Variants in ACTR3C observed in about 807,000 individuals in gnomAD.
ACTR3C encodes actin-related protein 3C.
In ACTR3C, 18 loss-of-function variants were observed where a neutral mutation model predicts 26.3. The ratio of observed to expected loss-of-function variants is 0.68; its 90% CI spans 0.47 to 1.01. ACTR3C has a LOEUF of 1.01. Ranked by LOEUF, ACTR3C falls within the 50% of genes least tolerant of loss-of-function variation. ACTR3C has a pLI of 0.00. For synonymous variants in ACTR3C, 55 were observed against 94.5 expected (o/e 0.58, Z 2.42); for missense variants, 184 against 250.7 (o/e 0.73, Z 1.80).
chr7:150,052,106 C>G, the ACTR3C span, among the ~76,000 whole-genome samples: 1 of 151,492 alleles, frequency 6.6e-6, no homozygotes, highest in Non-Finnish European at 1.5e-5. Context: ...GTGGGCATCA[C>G]TGTCTTTTAC....
At chr7:150,313,753 G>C (rs1041805421) in intron 1 of ACTR3C, among the ~76,000 whole-genome samples, 2 of 152,156 alleles carry the variant, frequency 1.3e-5, no homozygotes, top group East Asian at 1.9e-4. Flanking sequence ...GAGGGAGAGA[G>C]GGGGAGAGAG....
chr7:149,922,370 T>G, the ACTR3C span, among the ~76,000 whole-genome samples: 1 of 145,512 alleles, frequency 6.9e-6, no homozygotes, highest in African/African-American at 2.5e-5. Flanking sequence ...AAGAACATAA[T>G]GACACCATTA....
At chr7:149,938,439 GATT>G in the ACTR3C span, among the ~76,000 whole-genome samples, 1 of 151,916 alleles carries the variant, frequency 6.6e-6, no homozygotes, top group African/African-American at 2.4e-5. Context: ...AAATTTAGGA[GATT>G]TTTTTTAAAA....
chr7:150,179,921 G>A, the ACTR3C span, among the ~76,000 whole-genome samples: 1 of 151,372 alleles, frequency 6.6e-6, no homozygotes, highest in African/African-American at 2.5e-5. Context: ...ATATTATATT[G>A]CTGCCTTTTT....
intron 6 of ACTR3C, among the ~76,000 whole-genome samples, chr7:150,253,364 T>C (rs1313651203): frequency 6.6e-6 from 1 of 152,194 alleles, no homozygotes; most frequent in African/African-American, 2.4e-5. Flanking sequence ...TCAAGTCTCC[T>C]GATGTCCACT....
chr7:150,018,228 T>C, the ACTR3C span, among the ~76,000 whole-genome samples: 1 of 149,844 alleles, frequency 6.7e-6, no homozygotes, highest in African/African-American at 2.5e-5. Flanking sequence ...GTATTTTTAG[T>C]AGAGACAGGG....
the ACTR3C span, among the ~76,000 whole-genome samples, chr7:149,895,108 G>T: frequency 6.6e-6 from 1 of 151,336 alleles, no homozygotes; most frequent in African/African-American, 2.4e-5. Context: ...GATGAACCTC[G>T]AGGGCATTAT....
chr7:150,035,069 C>T, the ACTR3C span, among the ~76,000 whole-genome samples: 7 of 140,616 alleles, frequency 5.0e-5, no homozygotes, highest in Middle Eastern at 8.1e-3. Flanking sequence ...TACCTGCCGT[C>T]GGAAGATTTG....
At chr7:149,976,310 C>T in the ACTR3C span, among the ~76,000 whole-genome samples, 1 of 152,140 alleles carries the variant, frequency 6.6e-6, no homozygotes, top group African/African-American at 2.4e-5. Flanking sequence ...CGCGGTGGCT[C>T]AAGCCTGTAA....
chr7:149,903,807 G>T, the ACTR3C span, among the ~76,000 whole-genome samples: 2 of 145,814 alleles, frequency 1.4e-5, no homozygotes, highest in African/African-American at 4.9e-5. Flanking sequence ...GCCTACCAAA[G>T]TGCTGCAATT....
At chr7:150,186,157 A>T in the ACTR3C span, among the ~76,000 whole-genome samples, 1 of 152,168 alleles carries the variant, frequency 6.6e-6, no homozygotes, top group African/African-American at 2.4e-5. Flanking sequence ...GTGCATAGAT[A>T]ATTCATTAAT....
the ACTR3C span, among the ~76,000 whole-genome samples, chr7:150,185,274 GGCGTGT>G: frequency 0.022 from 2,788 of 124,126 alleles, 31 homozygotes; most frequent in African/African-American, 0.079. Context: ...TTAAATGTCA[GGCGTGT>G]GTGTGTGTGT....
the ACTR3C span, among the ~76,000 whole-genome samples, chr7:150,202,023 C>A: frequency 2.0e-5 from 3 of 152,138 alleles, no homozygotes; most frequent in Admixed American, 2.0e-4. Flanking sequence ...CACCCCCGAC[C>A]TCCTTCTTTT....
chr7:150,157,608 C>T, the ACTR3C span, among the ~76,000 whole-genome samples: 1 of 152,092 alleles, frequency 6.6e-6, no homozygotes, highest in Non-Finnish European at 1.5e-5. Flanking sequence ...ATCACATTAT[C>T]TTTAGGAACT....
chr7:150,238,477 T>G, the ACTR3C span, among the ~76,000 whole-genome samples: 1 of 130,310 alleles, frequency 7.7e-6, no homozygotes, highest in African/African-American at 3.4e-5. Context: ...GAGTCTAGAT[T>G]CTGGATATGT....
chr7:149,914,769 T>C, the ACTR3C span, among the ~76,000 whole-genome samples: 1 of 152,046 alleles, frequency 6.6e-6, no homozygotes, highest in Non-Finnish European at 1.5e-5. Context: ...CAAGGAGATC[T>C]ACTATCATTA....
chr7:150,221,182 T>C, the ACTR3C span, among the ~76,000 whole-genome samples: 12 of 152,252 alleles, frequency 7.9e-5, no homozygotes, highest in African/African-American at 2.7e-4. Context: ...GGCGGCCCAA[T>C]TGGCTTGACC....
At chr7:149,983,449 G>GTATATATATATA in the ACTR3C span, among the ~76,000 whole-genome samples, 6 of 23,290 alleles carry the variant, frequency 2.6e-4, no homozygotes, top group African/African-American at 7.3e-4. Context: ...GTGTGTGTGT[G>GTATATATATATA]TATATATATA....
At chr7:150,042,042 T>TG in the ACTR3C span, among the ~76,000 whole-genome samples, 41 of 95,824 alleles carry the variant, frequency 4.3e-4, no homozygotes, top group African/African-American at 1.2e-3. Flanking sequence ...GGAGCAACGA[T>TG]GGGGGGTCCT....
Sources: gnomAD v4.1 joint callset for allele counts (sites outside exome capture counted in the v4.1 genomes callset) on GRCh38, gnomAD v4.1.1 for gene constraint, MANE v1.5 for transcripts, NCBI Gene and HGNC (gene_info 2026-07-23, HGNC 2026-07-21) for gene names.